LRP1B: variants seen among roughly 807,000 people sequenced by gnomAD.
LRP1B encodes the protein low-density lipoprotein receptor-related protein 1B.
LRP1B carries 217 observed loss-of-function variants against 556.6 expected under a neutral mutation model. That is an observed-to-expected ratio of 0.39 (90% CI 0.35 to 0.44). The LOEUF (loss-of-function observed/expected upper bound fraction) is 0.44, where lower values mean the gene tolerates loss of function less well. Ranked by LOEUF, LRP1B falls within the 20% of genes least tolerant of loss-of-function variation. LRP1B has a pLI of 1.00. For synonymous variants in LRP1B, 2,047 were observed against 1,865.8 expected (o/e 1.10, Z -2.50); for missense variants, 5,053 against 5,620.8 (o/e 0.90, Z 3.23).
chr2:141,998,374 G>A (rs1702557883), intron 1 of LRP1B, among the ~76,000 whole-genome samples: 1 of 152,000 alleles, frequency 6.6e-6, no homozygotes, highest in African/African-American at 2.4e-5. Context: ...GACAAAATTT[G>A]GGTTAGAGGC....
At chr2:141,602,409 A>G (rs1400049824) in intron 2 of LRP1B, among the ~76,000 whole-genome samples, 2 of 152,200 alleles carry the variant, frequency 1.3e-5, no homozygotes, top group African/African-American at 4.8e-5. Context: ...AGATCCTTAC[A>G]GTCCTATGTT....
At chr2:141,184,740 T>C (rs911529324) in intron 7 of LRP1B, among the ~76,000 whole-genome samples, 1 of 151,732 alleles carries the variant, frequency 6.6e-6, no homozygotes, top group Admixed American at 6.6e-5. Flanking sequence ...TCAGCCAAAG[T>C]GCAGCGATGG....
intron 1 of LRP1B, among the ~76,000 whole-genome samples, chr2:142,083,527 T>G (rs1245293486): frequency 6.6e-6 from 1 of 152,204 alleles, no homozygotes; most frequent in East Asian, 1.9e-4. Context: ...TAAGTATGTG[T>G]AAACAGATAA....
intron 1 of LRP1B, among the ~76,000 whole-genome samples, chr2:142,077,886 C>T (rs1705566920): frequency 6.6e-6 from 1 of 151,998 alleles, no homozygotes; most frequent in Non-Finnish European, 1.5e-5. Flanking sequence ...TATGTTTGCC[C>T]AAAGCCCCTT....
chr2:141,463,595 A>ATTATATATAATTATGTATTATATAT (rs1193900833), intron 3 of LRP1B, among the ~76,000 whole-genome samples: 1 of 36,294 alleles, frequency 2.8e-5, no homozygotes, highest in Admixed American at 3.0e-4. Context: ...TATATAATAT[A>ATTATATATAATTATGTATTATATAT]TATTATATAT....
intron 66 of LRP1B, among the ~76,000 whole-genome samples, chr2:140,441,081 C>G (rs183646443): frequency 6.6e-6 from 1 of 151,978 alleles, no homozygotes; most frequent in Non-Finnish European, 1.5e-5. Context: ...ACATATTTCT[C>G]GGGCCATATG....
intron 1 of LRP1B, among the ~76,000 whole-genome samples, chr2:142,112,057 C>T (rs1048378352): frequency 6.6e-6 from 1 of 151,976 alleles, no homozygotes; most frequent in South Asian, 2.1e-4. Flanking sequence ...ATCAAGGTGC[C>T]TTTCCATCTA....
intron 2 of LRP1B, among the ~76,000 whole-genome samples, chr2:141,809,080 G>T (rs2105703365): frequency 6.6e-6 from 1 of 152,044 alleles, no homozygotes; most frequent in East Asian, 1.9e-4. Flanking sequence ...AAAGGTTTTT[G>T]GGAGTTAACT....
chr2:141,211,343 C>T (rs1035313422), intron 6 of LRP1B, among the ~76,000 whole-genome samples: 6 of 150,434 alleles, frequency 4.0e-5, no homozygotes, highest in Admixed American at 2.0e-4. Flanking sequence ...CATTCAGGGC[C>T]GGGCACGGTG....
chr2:140,689,637 C>T (rs1471454123), intron 41 of LRP1B, among the ~76,000 whole-genome samples: 1 of 152,194 alleles, frequency 6.6e-6, no homozygotes, highest in African/African-American at 2.4e-5. Flanking sequence ...GACGCTAATT[C>T]ATATATGAAT....
intron 2 of LRP1B, among the ~76,000 whole-genome samples, chr2:141,485,396 C>T (rs1172730844): frequency 6.6e-6 from 1 of 152,128 alleles, no homozygotes. Context: ...GCCCCAGGCC[C>T]CGGTAATTAG....
intron 7 of LRP1B, among the ~76,000 whole-genome samples, chr2:141,186,640 T>C (rs980527705): frequency 7.9e-5 from 12 of 152,010 alleles, no homozygotes; most frequent in African/African-American, 2.9e-4. Flanking sequence ...AAATGATACA[T>C]GACAAAATTA....
At chr2:141,322,880 A>G (rs1168399586) in intron 3 of LRP1B, among the ~76,000 whole-genome samples, 2 of 152,014 alleles carry the variant, frequency 1.3e-5, no homozygotes, top group African/African-American at 4.8e-5. Context: ...GTAGAGCAGG[A>G]GTTTTGAGAT....
intron 66 of LRP1B, among the ~76,000 whole-genome samples, chr2:140,437,277 C>T (rs933128325): frequency 5.9e-5 from 9 of 152,036 alleles, no homozygotes; most frequent in Admixed American, 2.6e-4. Flanking sequence ...AACATGAAGG[C>T]ACATAATCCC....
At chr2:140,463,554 G>C (rs1687411383) in intron 60 of LRP1B, among the ~76,000 whole-genome samples, 1 of 151,978 alleles carries the variant, frequency 6.6e-6, no homozygotes, top group Non-Finnish European at 1.5e-5. Flanking sequence ...TAGGCACCAA[G>C]GTCCAAAATC....
At chr2:141,974,504 G>A (rs2105082100) in intron 1 of LRP1B, among the ~76,000 whole-genome samples, 1 of 152,090 alleles carries the variant, frequency 6.6e-6, no homozygotes, top group South Asian at 2.1e-4. Context: ...AACAGTACGG[G>A]TTCTGATTGC....
At chr2:140,696,415 T>A (rs973874198) in intron 41 of LRP1B, among the ~76,000 whole-genome samples, 2 of 152,166 alleles carry the variant, frequency 1.3e-5, no homozygotes, top group African/African-American at 4.8e-5. Context: ...CAATACAGAC[T>A]AATTATATTT....
intron 43 of LRP1B, among the ~76,000 whole-genome samples, chr2:140,576,098 A>G (rs1195968225): frequency 6.6e-6 from 1 of 152,126 alleles, no homozygotes; most frequent in African/African-American, 2.4e-5. Context: ...TAAGCTCCAC[A>G]CTTCAGGTGC....
rs186422876 is a variant in LRP1B, at chr2:140,628,163, T to C, written c.6800-26524A>G. On this transcript the variant is annotated intron_variant, in intron 41 of 90. Coordinates refer to ENST00000389484, the MANE Select transcript of LRP1B (RefSeq NM_018557.3). Reference sequence around the variant, plus strand: ...TCTAGTCTTTCACATGGTGTCAAGATGTGTGTGTGTGACAGAGAGACAGAG... The same window carrying C: ...TCTAGTCTTTCACATGGTGTCAAGACGTGTGTGTGTGACAGAGAGACAGAG... Among the ~76,000 whole-genome samples, 8 of 152,112 alleles carry C rather than the reference T, an allele frequency of 5.3e-5. No individual in the cohort carries two copies. In the East Asian group the frequency reaches 1.5e-3, roughly 29 times the overall value.
Sources: allele counts gnomAD v4.1 joint callset (sites outside exome capture counted in the v4.1 genomes callset), GRCh38; gene constraint gnomAD v4.1.1; transcripts MANE v1.5; gene names NCBI Gene and HGNC (gene_info 2026-07-23, HGNC 2026-07-21).